The following BBS2 variants were observed in gnomAD, a reference collection of about 807,000 sequenced individuals.
The protein encoded by BBS2 is BBSome complex member BBS2.
In BBS2, 62 loss-of-function variants were observed where a neutral mutation model predicts 83.0. The observed-to-expected ratio is 0.75, with a 90% CI of 0.61 to 0.92. The LOEUF is 0.92. BBS2 is among the 40% of genes least tolerant of loss of function. The pLI is 0.00. For missense variants in BBS2, 784 were observed against 901.0 expected (o/e 0.87, Z 1.66); for synonymous variants, 303 against 326.1 (o/e 0.93, Z 0.76).
At chr16:56,517,611 T>TC (rs1964788650) in intron 1 of BBS2, among the ~76,000 whole-genome samples, 1 of 152,120 alleles carries the variant, frequency 6.6e-6, no homozygotes. Flanking sequence ...ACTACCTGGT[T>TC]CCCCCTCTCA....
chr16:56,493,242 C>G (rs765535312), intron 15 of BBS2, among the ~76,000 whole-genome samples: 2 of 151,842 alleles, frequency 1.3e-5, no homozygotes, highest in Non-Finnish European at 2.9e-5. Flanking sequence ...AAAAAATTAG[C>G]CGGGCTGGTG....
At position 56,485,808 on chromosome 16, in the gene BBS2, T is replaced by A. The variant is rs1162800558; in HGVS notation, c.1911-70A>T. On this transcript the variant is annotated intron_variant, in intron 15 of 16. Transcript: ENST00000245157. Reference sequence around the variant, plus strand: ...GCAAGCTTAAGAAAAACTTGCAAATTTCTTAGACATACAAAGAAAAGACAC... The same window carrying A: ...GCAAGCTTAAGAAAAACTTGCAAATATCTTAGACATACAAAGAAAAGACAC... 9.8e-6 allele frequency: 14 copies of A among 1,429,720 alleles called. 1 individual carries two copies. In the South Asian group the frequency reaches 1.5e-4, roughly 15 times the overall value. The allele number at this position is 1,429,720 out of a possible 1,614,324, so 88.6% of individuals were successfully genotyped here.
At position 56,519,904 on chromosome 16, in the gene BBS2, A is replaced by C. The variant is rs78076550; in HGVS notation, c.-42T>G. The C allele has an allele frequency of 0.053, 82,546 of 1,546,074 alleles. 3,366 individuals are homozygous for C. Among genetic ancestry groups the C allele is most frequent in the African/African-American group, 0.15 (10,694 of 73,496 alleles). On this transcript the variant is annotated 5_prime_UTR_variant, in exon 1 of 17. Transcript: ENST00000245157. ...GGGAGGAGGGCTGGAAGCTGGAGAC[A>C]AGCGCAGCGGAGCTGGCCTCACGCG...
At chr16:56,513,721 G>A (rs1312872046) in intron 2 of BBS2, among the ~76,000 whole-genome samples, 1 of 152,122 alleles carries the variant, frequency 6.6e-6, no homozygotes, top group Non-Finnish European at 1.5e-5. Flanking sequence ...GATACTAATG[G>A]GTATGGGTTT....
Position 56,484,695 on chromosome 16 carries a change from G to C in BBS2, c.*66C>G. 6.9e-7 allele frequency: 1 copy of C among 1,444,156 alleles called. No individual in the cohort carries two copies. The highest frequency in any genetic ancestry group is 9.7e-7 in the Non-Finnish European group (1 of 1,032,078). The allele number at this position is 1,444,156 out of a possible 1,614,324, so 89.5% of individuals were successfully genotyped here. A position where few individuals can be genotyped will look rare whatever the true frequency, so the allele number is the denominator to read the frequency against. ...GGGGTTCACCAGGGTGTGATCCAAA[G>C]CAAACCAGCATAGGTTTTTAACAGA... On this transcript the variant is annotated 3_prime_UTR_variant, in exon 17 of 17. Coordinates refer to ENST00000245157, the MANE Select transcript of BBS2 (RefSeq NM_031885.5).
downstream of BBS2, among the ~76,000 whole-genome samples, chr16:56,480,983 G>A (rs1471615796): frequency 1.3e-5 from 2 of 152,076 alleles, no homozygotes; most frequent in Non-Finnish European, 2.9e-5. Flanking sequence ...TGTGGGCAGG[G>A]GCCAGATGGA....
At chr16:56,510,246 C>A (rs1016120105) in intron 4 of BBS2, among the ~76,000 whole-genome samples, 5 of 152,162 alleles carry the variant, frequency 3.3e-5, no homozygotes, top group African/African-American at 1.2e-4. Context: ...CAGCTTTTAT[C>A]CTGCCATGGG....
chr16:56,501,747 T>G (rs1346723449), intron 9 of BBS2: 1 of 521,980 alleles, frequency 1.9e-6, no homozygotes, highest in Non-Finnish European at 3.4e-6. Flanking sequence ...GACTTTAACA[T>G]TTTTGAAGTA....
chr16:56,515,548 T>C (rs1238271766), intron 1 of BBS2, among the ~76,000 whole-genome samples: 4 of 152,134 alleles, frequency 2.6e-5, no homozygotes. Context: ...GTTGGGAGGA[T>C]GAAAAACACT....
In BBS2 at chr16:56,510,888, A is replaced by C; in HGVS notation, c.505T>G (p.Cys169Gly). The change falls in exon 4 of 17, where the codon TGT becomes GGT. Residue 169 changes from cysteine (C) to glycine (G), a missense_variant. Transcript: ENST00000245157. ...TGDNVNSLAL[C>G]DFDGDGKKEL... The stretch of plus-strand genomic sequence containing the variant: ...TTCTTTCCATCACCATCAAAGTCAC[A>C]CAAGGCCAAGGAATTAACATTGTCT... 6.2e-7 allele frequency: 1 copy of C among 1,614,170 alleles called. No individual in the cohort carries two copies. Among genetic ancestry groups the C allele is most frequent in the Non-Finnish European group, 8.5e-7 (1 of 1,180,022 alleles).
At position 56,502,781 on chromosome 16, in the gene BBS2, C is replaced by T. The variant is rs938782165; in HGVS notation, c.832G>A (p.Glu278Lys). The part of the protein sequence containing the change: ...KVDARSDRTG[E>K]VIFKDNFSSA... The stretch of plus-strand genomic sequence containing the variant: ...GAAAAATTGTCCTTAAAGATGACCT[C>T]CCCAGTTCGGTCACTTCGAGCATCA... Residue 278 changes from glutamate to lysine, a missense_variant, in exon 8 of 17, where the codon GAG becomes AAG. By Grantham distance (56) the Glu-to-Lys change is moderately conservative (BLOSUM62 1). Transcript: ENST00000245157. The T allele has an allele frequency of 6.2e-7, 1 of 1,614,186 alleles. No homozygotes were observed. Among genetic ancestry groups the T allele is most frequent in the Non-Finnish European group, 8.5e-7 (1 of 1,180,016 alleles).
At chr16:56,510,129 G>C in intron 4 of BBS2, 95 bp from the exon 5 acceptor site, 1 of 1,048,436 alleles carries the variant, frequency 9.5e-7, no homozygotes, top group East Asian at 2.5e-5. Context: ...TTTGCATGCT[G>C]CTTCTGCCAC....
chr16:56,496,268 TACTTA>T (rs372441610), intron 15 of BBS2, among the ~76,000 whole-genome samples: 2 of 152,210 alleles, frequency 1.3e-5, no homozygotes, highest in African/African-American at 2.4e-5. Flanking sequence ...GTACTGTACA[TACTTA>T]ACTTTTTTAT....
chr16:56,512,962 G>C (rs2086432178), intron 2 of BBS2, among the ~76,000 whole-genome samples: 1 of 152,146 alleles, frequency 6.6e-6, no homozygotes, highest in South Asian at 2.1e-4. Flanking sequence ...AGACCAGCCT[G>C]GCCAACATAG....
chr16:56,501,350 T>TA lies in BBS2; in HGVS notation c.1225+2dup, dbSNP rs1567575193. 6.2e-7 allele frequency: 1 copy of TA among 1,613,992 alleles called. No individual in the cohort carries two copies. Among genetic ancestry groups the TA allele is most frequent in the Admixed American group, 1.7e-5 (1 of 60,014 alleles). On this transcript the variant is annotated splice_region_variant and intron_variant, in intron 10 of 16. Transcript: ENST00000245157. ...TAAATACCAGCTGTGAGTACTGTCTTACCATTAGAAGTGGAAATGCGTAAT... is the reference window on the plus strand; with the variant it reads ...TAAATACCAGCTGTGAGTACTGTCTTAACCATTAGAAGTGGAAATGCGTAAT...
chr16:56,500,906 T>C lies in BBS2; in HGVS notation c.1345A>G (p.Lys449Glu), dbSNP rs1964251202. ...AAGTGCAGATCCACAGGGACATCTT[T>C]GGGAGGCACAATAGGGATGCAGATG... ...SSICIPIVPP[K>E]DVPVDLHLKA... Residue 449 changes from lysine (K) to glutamate (E), a missense_variant, in exon 11 of 17, where the codon AAA becomes GAA. Coordinates refer to ENST00000245157, the MANE Select transcript of BBS2 (RefSeq NM_031885.5). 3.1e-6 allele frequency: 5 copies of C among 1,614,154 alleles called. No individual in the cohort carries two copies. The highest frequency in any genetic ancestry group is 1.3e-5 in the African/African-American group (1 of 75,036).
intron 14 of BBS2, chr16:56,497,366 A>G: frequency 1.9e-6 from 1 of 517,688 alleles, no homozygotes; most frequent in Non-Finnish European, 3.5e-6. Context: ...GGAATATTGT[A>G]TACTTTGGGG....
At chr16:56,505,272 C>G (rs1964391596) in intron 7 of BBS2, among the ~76,000 whole-genome samples, 1 of 152,126 alleles carries the variant, frequency 6.6e-6, no homozygotes, top group Non-Finnish European at 1.5e-5. Flanking sequence ...CCGTTCTTCA[C>G]GTAACACCAA....
chr16:56,471,857 A>G (rs556127047), intron 17 of BBS2, among the ~76,000 whole-genome samples: 3 of 152,364 alleles, frequency 2.0e-5, no homozygotes, highest in East Asian at 3.9e-4. Context: ...TTCCATGTTA[A>G]TTGATACTGG....
Sources: allele counts gnomAD v4.1 joint callset (sites outside exome capture counted in the v4.1 genomes callset), GRCh38; gene constraint gnomAD v4.1.1; transcripts MANE v1.5; gene names NCBI Gene and HGNC (gene_info 2026-07-23, HGNC 2026-07-21).